Variants in SPAG16 observed in about 807,000 individuals in gnomAD.
SPAG16 encodes sperm associated antigen 16.
A neutral mutation model predicts 80.4 loss-of-function variants in SPAG16; 86 were observed. The ratio of observed to expected loss-of-function variants is 1.07; its 90% CI spans 0.90 to 1.28. The LOEUF (loss-of-function observed/expected upper bound fraction) is 1.28. Ranked by LOEUF, SPAG16 falls within the 50% of genes most tolerant of loss-of-function variation. SPAG16 has a pLI of 0.00. For synonymous variants in SPAG16, 294 were observed against 265.9 expected (o/e 1.11, Z -1.03); for missense variants, 870 against 765.3 (o/e 1.14, Z -1.61).
At chr2:214,254,762 C>T (rs761689552) in intron 15 of SPAG16, among the ~76,000 whole-genome samples, 1 of 146,456 alleles carries the variant, frequency 6.8e-6, no homozygotes, top group South Asian at 2.3e-4. Flanking sequence ...TATAACTAGG[C>T]TAGGAGTAAA....
chr2:214,367,155 T>G (rs1699529460), intron 15 of SPAG16, among the ~76,000 whole-genome samples: 1 of 152,200 alleles, frequency 6.6e-6, no homozygotes, highest in East Asian at 1.9e-4. Flanking sequence ...GAATTTGTAA[T>G]ATCTTAATGC....
chr2:214,070,885 A>T (rs574750486), intron 13 of SPAG16, among the ~76,000 whole-genome samples: 2 of 152,180 alleles, frequency 1.3e-5, no homozygotes, highest in African/African-American at 4.8e-5. Context: ...GGGCTTTATA[A>T]TTTTTTCTTC....
chr2:214,137,179 G>A (rs1317288526), intron 14 of SPAG16, among the ~76,000 whole-genome samples: 2 of 151,852 alleles, frequency 1.3e-5, no homozygotes, highest in Non-Finnish European at 1.5e-5. Flanking sequence ...ATGTGCATTG[G>A]CTTACTACCT....
intron 10 of SPAG16, among the ~76,000 whole-genome samples, chr2:213,846,614 G>C (rs1261136379): frequency 6.6e-6 from 1 of 151,736 alleles, no homozygotes; most frequent in Non-Finnish European, 1.5e-5. Flanking sequence ...ATTTTTATAG[G>C]CAACATTCTA....
chr2:213,943,051 G>A (rs1224167766), intron 12 of SPAG16, among the ~76,000 whole-genome samples: 1 of 152,132 alleles, frequency 6.6e-6, no homozygotes, highest in Non-Finnish European at 1.5e-5. Flanking sequence ...CCAGAAAGTG[G>A]GCTTTCACCA....
chr2:214,015,260 G>A (rs1478933922), intron 13 of SPAG16, among the ~76,000 whole-genome samples: 1 of 152,120 alleles, frequency 6.6e-6, no homozygotes, highest in Non-Finnish European at 1.5e-5. Flanking sequence ...AAGAGGAAGG[G>A]CAGTATCAGG....
intron 10 of SPAG16, among the ~76,000 whole-genome samples, chr2:213,702,694 T>C (rs2065522535): frequency 6.6e-6 from 1 of 152,196 alleles, no homozygotes; most frequent in Non-Finnish European, 1.5e-5. Flanking sequence ...AGCTGAGACC[T>C]CAAAATGTTC....
chr2:213,605,908 C>T (rs2061244297), intron 10 of SPAG16, among the ~76,000 whole-genome samples: 2 of 152,200 alleles, frequency 1.3e-5, no homozygotes, highest in East Asian at 3.8e-4. Context: ...AAACAACTTA[C>T]ATCAGGATAT....
chr2:213,678,474 G>T (rs2064213261), intron 10 of SPAG16, among the ~76,000 whole-genome samples: 1 of 152,154 alleles, frequency 6.6e-6, no homozygotes, highest in Non-Finnish European at 1.5e-5. Context: ...ACTACCATCA[G>T]AGAATACTAC....
chr2:214,067,667 T>A (rs1458331264), intron 13 of SPAG16, among the ~76,000 whole-genome samples: 3 of 152,122 alleles, frequency 2.0e-5, no homozygotes, highest in African/African-American at 7.2e-5. Context: ...AAGAATGCTA[T>A]CATAATGATA....
chr2:213,660,238 A>G, intron 10 of SPAG16, among the ~76,000 whole-genome samples: 1 of 152,112 alleles, frequency 6.6e-6, no homozygotes. Context: ...TGTCATTTAG[A>G]ACATTACACA....
At chr2:214,135,282 A>C (rs900291049) in intron 14 of SPAG16, among the ~76,000 whole-genome samples, 4 of 152,120 alleles carry the variant, frequency 2.6e-5, no homozygotes, top group Admixed American at 6.5e-5. Flanking sequence ...AGTTCAGTAA[A>C]TATTAGTTGC....
At chr2:213,355,186 T>C (rs2065567409) in intron 7 of SPAG16, among the ~76,000 whole-genome samples, 1 of 152,150 alleles carries the variant, frequency 6.6e-6, no homozygotes, top group South Asian at 2.1e-4. Context: ...ATGTGTGGTG[T>C]TATTTCTGAG....
At chr2:214,301,305 A>C (rs977111392) in intron 15 of SPAG16, among the ~76,000 whole-genome samples, 3 of 151,796 alleles carry the variant, frequency 2.0e-5, no homozygotes, top group Admixed American at 6.6e-5. Context: ...CATCAAAAAA[A>C]AAAAACTACC....
intron 11 of SPAG16, among the ~76,000 whole-genome samples, chr2:213,896,278 A>G (rs867487264): frequency 5.9e-5 from 9 of 152,108 alleles, no homozygotes; most frequent in Non-Finnish European, 7.4e-5. Flanking sequence ...CTTTTATTAA[A>G]AGGACATTAT....
chr2:214,032,306 C>T (rs2048454702), intron 13 of SPAG16, among the ~76,000 whole-genome samples: 1 of 152,186 alleles, frequency 6.6e-6, no homozygotes. Flanking sequence ...TGTTTTACCC[C>T]TCTTTGATCT....
At chr2:213,763,532 G>A (rs376371432) in intron 10 of SPAG16, among the ~76,000 whole-genome samples, 111 of 152,214 alleles carry the variant, frequency 7.3e-4, no homozygotes, top group African/African-American at 2.3e-3. Context: ...GGGGAGAGTT[G>A]CTGTTCAATT....
At chr2:213,828,404 T>A (rs866683220) in intron 10 of SPAG16, among the ~76,000 whole-genome samples, 26 of 152,198 alleles carry the variant, frequency 1.7e-4, no homozygotes, top group Non-Finnish European at 5.9e-5. Flanking sequence ...TTAAATGTAT[T>A]TGATAGGATT....
intron 10 of SPAG16, among the ~76,000 whole-genome samples, chr2:213,732,656 T>G (rs1209428949): frequency 6.6e-6 from 1 of 152,198 alleles, no homozygotes; most frequent in Non-Finnish European, 1.5e-5. Flanking sequence ...GTAAATTGTT[T>G]TGGGGACTAT....
Sources: gnomAD v4.1 joint callset for allele counts (sites outside exome capture counted in the v4.1 genomes callset) on GRCh38, gnomAD v4.1.1 for gene constraint, MANE v1.5 for transcripts, NCBI Gene and HGNC (gene_info 2026-07-23, HGNC 2026-07-21) for gene names.